Variants in CDH23 observed in about 807,000 individuals in gnomAD.
CDH23 encodes cadherin related 23.
Under a neutral mutation model 317.1 loss-of-function variants are expected in CDH23, and 189 were observed. That is an observed-to-expected ratio of 0.60 (90% CI 0.53 to 0.67). CDH23 has a LOEUF of 0.67. CDH23 is among the 30% of genes least tolerant of loss of function. CDH23 has a pLI of 0.00. For missense variants in CDH23, 4,401 were observed against 4,592.4 expected, an observed-to-expected ratio of 0.96 and a Z score of 1.20; for synonymous variants, 1,839 against 1,876.8, an observed-to-expected ratio of 0.98 and a Z score of 0.52.
intron 3 of CDH23, among the ~76,000 whole-genome samples, chr10:71,495,867 A>T (rs1053070497): frequency 6.6e-6 from 1 of 152,002 alleles, no homozygotes; most frequent in African/African-American, 2.4e-5. Context: ...GAAAAATCTT[A>T]AATTTCTAGG....
chr10:71,812,057 CCTGCCAGGACCCAGCTGGGGAGAG>C (rs775078571), intron 66 of CDH23, 42 bp downstream of exon 66: 2 of 1,613,862 alleles, frequency 1.2e-6, no homozygotes, highest in Non-Finnish European at 1.7e-6. Context: ...TGCGGGGAGT[CCTGCCAGGACCCAGCTGGGGAGAG>C]CTGCAGTCTC....
Position 71,454,382 on chromosome 10 carries a change from G to A in CDH23, c.145+7987G>A, listed in dbSNP as rs75236138. ...TTTAAGCTCCTATAAACATATTTTC[G>A]AAAGGAAACTTTAATGTGTCAGACA... On this transcript the variant is annotated intron_variant, in intron 3 of 69. Coordinates refer to ENST00000224721, the MANE Select transcript of CDH23 (RefSeq NM_022124.6). Among the ~76,000 whole-genome samples the A allele has an allele frequency of 4.1e-3, 624 of 152,232 alleles. 7 individuals are homozygous for A. Among genetic ancestry groups the A allele is most frequent in the African/African-American group, 0.014 (595 of 41,526 alleles).
intron 55 of CDH23, 67 bp from the exon 56 acceptor site, chr10:71,805,739 C>A (rs1841693182): frequency 1.4e-6 from 2 of 1,462,134 alleles, no homozygotes; most frequent in Non-Finnish European, 1.8e-6. Context: ...AGCAAGGGCT[C>A]CCTCAGGACC....
intron 11 of CDH23, among the ~76,000 whole-genome samples, chr10:71,630,098 T>C (rs1459990296): frequency 6.6e-6 from 1 of 152,200 alleles, no homozygotes; most frequent in African/African-American, 2.4e-5. Flanking sequence ...TATAACTCAC[T>C]GCAGCCTCGA....
intron 3 of CDH23, among the ~76,000 whole-genome samples, chr10:71,496,647 T>G (rs1215453580): frequency 1.3e-5 from 2 of 152,352 alleles, no homozygotes; most frequent in South Asian, 2.1e-4. Context: ...ACTGCTGACC[T>G]CTAGGTTTTC....
intron 3 of CDH23, among the ~76,000 whole-genome samples, chr10:71,463,209 G>A (rs1268764169): frequency 1.3e-5 from 2 of 152,108 alleles, no homozygotes; most frequent in Non-Finnish European, 2.9e-5. Context: ...AAATTAGATC[G>A]GGACCATATT....
intron 38 of CDH23, among the ~76,000 whole-genome samples, chr10:71,771,998 C>G (rs1247723191): frequency 2.0e-5 from 3 of 152,252 alleles, no homozygotes; most frequent in Admixed American, 6.5e-5. Context: ...GGGATGCTGG[C>G]TTGCCTGCCT....
At chr10:71,548,753 G>A (rs1589193385) in intron 6 of CDH23, among the ~76,000 whole-genome samples, 1 of 152,212 alleles carries the variant, frequency 6.6e-6, no homozygotes, top group East Asian at 1.9e-4. Context: ...TAAGATCAGT[G>A]TTGAGCTGCC....
intron 38 of CDH23, among the ~76,000 whole-genome samples, chr10:71,769,452 C>G (rs574244958): frequency 2.2e-4 from 33 of 152,134 alleles, no homozygotes; most frequent in African/African-American, 8.0e-4. Flanking sequence ...TTTTAAAGAT[C>G]TACATACTCA....
intron 9 of CDH23, among the ~76,000 whole-genome samples, chr10:71,580,601 C>G (rs1042914365): frequency 6.6e-6 from 1 of 152,200 alleles, no homozygotes; most frequent in Non-Finnish European, 1.5e-5. Context: ...TTGGCAGAGT[C>G]TGCTATGGAT....
At chr10:71,533,359 C>T (rs773475471) in intron 6 of CDH23, among the ~76,000 whole-genome samples, 1 of 152,296 alleles carries the variant, frequency 6.6e-6, no homozygotes, top group South Asian at 2.1e-4. Context: ...CTGTATTTAG[C>T]CTTTGATTTT....
rs2132825564 is a variant in CDH23, at chr10:71,732,237, C to T, written c.3966C>T (p.Ile1322=). 6.2e-7 allele frequency: 1 copy of T among 1,613,744 alleles called. No individual in the cohort carries two copies. The highest frequency in any genetic ancestry group is 1.1e-5 in the South Asian group (1 of 91,042). ...CCAATGCCTCATACGAGGCTGCCAT[C>T]CTGGAGAATCTGGCACTGGGTACTG... The part of the protein sequence containing the change: ...QFSNASYEAA[I]LENLALGTEI... The change falls in exon 32 of 70, where the codon ATC becomes ATT. Residue 1322 remains isoleucine (I), a synonymous_variant. Transcript: ENST00000224721.
At chr10:71,403,458 C>CTTCCTTCCTTCCT (rs1847942384) in intron 1 of CDH23, among the ~76,000 whole-genome samples, 1 of 20,306 alleles carries the variant, frequency 4.9e-5, no homozygotes, top group African/African-American at 3.7e-4. Flanking sequence ...CCTTCCTTTC[C>CTTCCTTCCTTCCT]TTCCTTCCTT....
At position 71,760,022 on chromosome 10, in the gene CDH23, T is replaced by TAC. The variant is rs1393954043; in HGVS notation, c.4846-17657_4846-17656insCA. Among the ~76,000 whole-genome samples the TAC allele has an allele frequency of 3.2e-3, 257 of 81,206 alleles. 83 individuals are homozygous for TAC. Among genetic ancestry groups the TAC allele is most frequent in the African/African-American group, 0.011 (247 of 22,726 alleles). The allele number at this position is 81,206 out of a possible 152,430, so 53.3% of individuals were successfully genotyped here. A position where few individuals can be genotyped will look rare whatever the true frequency, so the allele number is the denominator to read the frequency against. On this transcript the variant is annotated intron_variant, in intron 38 of 69. Coordinates refer to ENST00000224721, the MANE Select transcript of CDH23 (RefSeq NM_022124.6). ...ACATACATATATATACACACACACATATATACACACACACACATATATACA... is the reference window on the plus strand; with the variant it reads ...ACATACATATATATACACACACACATACATATACACACACACACATATATACA...
chr10:71,564,485 A>T lies in CDH23; in HGVS notation c.430-2257A>T, dbSNP rs1216806357. On this transcript the variant is annotated intron_variant, in intron 6 of 69. Transcript: ENST00000224721. ...GCAGGGCATGAAACATAATCCAAGA[A>T]GGTCAGACGTGGAGACCATCACTTC... Among the ~76,000 whole-genome samples the T allele has an allele frequency of 4.6e-5, 7 of 152,274 alleles. No homozygotes were observed. In the East Asian group the frequency reaches 1.3e-3, roughly 29 times the overall value.
intron 3 of CDH23, among the ~76,000 whole-genome samples, chr10:71,499,730 T>C (rs942282331): frequency 2.0e-5 from 3 of 151,840 alleles, no homozygotes; most frequent in Admixed American, 6.6e-5. Context: ...TCCCAGCTAC[T>C]TGGGAGGCTG....
chr10:71,686,661 C>T (rs867845910), intron 18 of CDH23, among the ~76,000 whole-genome samples: 2 of 152,054 alleles, frequency 1.3e-5, no homozygotes, highest in South Asian at 2.1e-4. Flanking sequence ...CACTAGCAAA[C>T]GAACAGGAAC....
At chr10:71,709,002 TCACCATCG>T in intron 26 of CDH23, 88 bp from the exon 27 acceptor site, 1 of 1,087,724 alleles carries the variant, frequency 9.2e-7, no homozygotes. Context: ...ACTCCTGGAC[TCACCATCG>T]CGGGTCCCAG....
chr10:71,490,036 T>A (rs1373279616), intron 3 of CDH23, among the ~76,000 whole-genome samples: 1 of 152,090 alleles, frequency 6.6e-6, no homozygotes, highest in Non-Finnish European at 1.5e-5. Context: ...GGGTGTTTCC[T>A]ATTAGACCCC....
Sources: allele counts gnomAD v4.1 joint callset (sites outside exome capture counted in the v4.1 genomes callset), GRCh38; gene constraint gnomAD v4.1.1; transcripts MANE v1.5; gene names NCBI Gene and HGNC (gene_info 2026-07-23, HGNC 2026-07-21).